The following PCNX3 variants were observed in gnomAD, a reference collection of about 807,000 sequenced individuals.
The protein encoded by PCNX3 is pecanex-like protein 3.
In PCNX3, 58 loss-of-function variants were observed where a neutral mutation model predicts 207.2. The ratio of observed to expected loss-of-function variants is 0.28; its 90% CI spans 0.23 to 0.35. The LOEUF (loss-of-function observed/expected upper bound fraction) is 0.35, where lower values mean the gene tolerates loss of function less well. PCNX3 is among the 10% of genes least tolerant of loss of function. The pLI, the probability that PCNX3 is intolerant of heterozygous loss-of-function variation, is 1.00. For missense variants in PCNX3, 2,410 were observed against 2,774.4 expected (o/e 0.87, Z 2.95); for synonymous variants, 1,337 against 1,183.5 (o/e 1.13, Z -2.66).
In PCNX3 at chr11:65,618,610, G is replaced by A. The variant is rs778551713; in HGVS notation, c.1248G>A (p.Gly416=). 20 of 1,612,532 alleles carry A rather than the reference G, an allele frequency of 1.2e-5. No individual in the cohort carries two copies. Among genetic ancestry groups the A allele is most frequent in the Non-Finnish European group, 1.7e-5 (20 of 1,179,816 alleles). Reference sequence around the variant, plus strand: ...CTCGACGGCCCCTGCTTGAAGGTGGGGGCTTCTTTGAGGATGAAGACACTA... The same window carrying A: ...CTCGACGGCCCCTGCTTGAAGGTGGAGGCTTCTTTGAGGATGAAGACACTA... The part of the protein sequence containing the change: ...RAPRRPLLEG[G]GFFEDEDTSE... The change falls in exon 6 of 35, where the codon GGG becomes GGA. Residue 416 remains glycine (G), a synonymous_variant. Transcript: ENST00000355703.
chr11:65,630,805 T>A (rs1283593438), intron 27 of PCNX3, among the ~76,000 whole-genome samples: 3 of 152,162 alleles, frequency 2.0e-5, no homozygotes, highest in African/African-American at 7.2e-5. Flanking sequence ...ATGGCTCTGA[T>A]AGGTGCCCAG....
At chr11:65,636,121 C>T (rs567339467) in intron 32 of PCNX3, 53 bp from the exon 33 acceptor site, 1 of 1,562,916 alleles carries the variant, frequency 6.4e-7, no homozygotes, top group African/African-American at 1.4e-5. Flanking sequence ...CTTGTGAGGC[C>T]TCTGGCCTCA....
intron 28 of PCNX3, 46 bp downstream of exon 28, chr11:65,634,402 G>T: frequency 6.5e-7 from 1 of 1,527,758 alleles, no homozygotes. Context: ...TGTGGGACCT[G>T]GGCTTCCCTG....
Position 65,625,919 on chromosome 11 carries a change from G to A in PCNX3, c.3244G>A (p.Val1082Met), listed in dbSNP as rs745460636. 9.3e-6 allele frequency: 15 copies of A among 1,613,608 alleles called. No homozygotes were observed. The highest frequency in any genetic ancestry group is 5.0e-5 in the Admixed American group (3 of 60,002). Residue 1082 changes from valine to methionine, a missense_variant, in exon 20 of 35, where the codon GTG becomes ATG. Physicochemically the swap from Val to Met is conservative, Grantham distance 21 (BLOSUM62 1). Around this residue, in one of 8 missense-constraint regions of PCNX3, gnomAD observed 333 missense variants for 386.8 expected, o/e 0.86. Transcript: ENST00000355703. The surrounding 1 kb of genome is among the most constrained non-coding windows in gnomAD (Gnocchi z 5.6). ...FIALKSVLGF[V>M]LYALAGAVGF... ...CCTCCTGCAGTCGGTGCTGGGTTTC[G>A]TGTTGTACGCACTGGCTGGGGCCGT... is the stretch of plus-strand genomic sequence containing the variant.
intron 2 of PCNX3, 55 bp downstream of exon 2, chr11:65,617,066 A>AAC (rs1455167023): frequency 9.8e-5 from 150 of 1,523,678 alleles, no homozygotes; most frequent in Non-Finnish European, 1.2e-4. Context: ...CCTGGGCCGG[A>AAC]ACCTTGCAGG....
chr11:65,628,978 C>T (rs953197227), intron 24 of PCNX3, 30 bp downstream of exon 24: 1 of 1,607,134 alleles, frequency 6.2e-7, no homozygotes, highest in Non-Finnish European at 8.5e-7. Flanking sequence ...GGAGCATGCC[C>T]AGCAGGGCAG....
chr11:65,620,293 G>A (rs889911008), intron 8 of PCNX3, 46 bp from the exon 9 acceptor site: 9 of 1,569,576 alleles, frequency 5.7e-6, no homozygotes, highest in Non-Finnish European at 7.8e-6. Context: ...GGGCCTTGGT[G>A]CTTCTGTCTC....
chr11:65,636,398 T>A lies in PCNX3; in HGVS notation c.5601T>A (p.Gly1867=). The A allele has an allele frequency of 6.4e-7, 1 of 1,560,356 alleles. No homozygotes were observed. The highest frequency in any genetic ancestry group is 1.2e-5 in the South Asian group (1 of 83,098). ...HPTPENTAGN[G]DQPLPPGPGW... is the part of the protein sequence containing the mutation. ...CTTATCTGTCTCCTACAGGCAATGG[T>A]GACCAACCCCTCCCACCAGGCCCTG... The change falls in exon 34 of 35, where the codon GGT becomes GGA. Residue 1867 remains glycine (G), a synonymous_variant. Transcript: ENST00000355703.
intron 24 of PCNX3, 142 bp from the exon 25 acceptor site, chr11:65,629,215 C>A: frequency 1.0e-6 from 1 of 985,666 alleles, no homozygotes; most frequent in South Asian, 1.5e-5. Context: ...CCTTCATGTA[C>A]CTGAGCCTCA....
intron 22 of PCNX3, 102 bp downstream of exon 22, chr11:65,627,684 C>G: frequency 1.4e-6 from 2 of 1,399,994 alleles, no homozygotes; most frequent in Non-Finnish European, 9.9e-7. Flanking sequence ...GTGGCCACCG[C>G]TCTGTATCAG....
intron 28 of PCNX3, 53 bp downstream of exon 28, chr11:65,634,409 C>T: frequency 1.3e-6 from 2 of 1,520,570 alleles, no homozygotes; most frequent in South Asian, 1.2e-5. Context: ...CCTGGGCTTC[C>T]CTGCTCCCCT....
In PCNX3 at chr11:65,633,218, C is replaced by T. The variant is rs145603762; in HGVS notation, c.4471-908C>T. 8.7e-4 allele frequency among the ~76,000 whole-genome samples: 133 copies of T among 152,346 alleles called. No individual in the cohort carries two copies. In the East Asian group the frequency reaches 0.024, roughly 27 times the overall value. ...CCCATCACCTCACTGGCTGCCCTGC[C>T]GGCCTTAACCCGCCCGTGCATCCTG... is the stretch of plus-strand genomic sequence containing the variant. On this transcript the variant is annotated intron_variant, in intron 27 of 34. Transcript: ENST00000355703.
At chr11:65,630,951 G>A (rs916318075) in intron 27 of PCNX3, among the ~76,000 whole-genome samples, 2 of 152,240 alleles carry the variant, frequency 1.3e-5, no homozygotes, top group Non-Finnish European at 2.9e-5. Context: ...TCACGTTAAC[G>A]ATCATCATGG....
At position 65,618,577 on chromosome 11, in the gene PCNX3, C is replaced by T; in HGVS notation, c.1215C>T (p.Gly405=). Reference sequence around the variant, plus strand: ...CCCTGCGAAGACACTCTCCACCTGGCCGTGCCCCTCGACGGCCCCTGCTTG... The same window carrying T: ...CCCTGCGAAGACACTCTCCACCTGGTCGTGCCCCTCGACGGCCCCTGCTTG... ...QPPLRRHSPP[G]RAPRRPLLEG... is the part of the protein sequence containing the mutation. Residue 405 remains glycine (G), a synonymous_variant, in exon 6 of 35, where the codon GGC becomes GGT. Transcript: ENST00000355703. The T allele has an allele frequency of 6.2e-7, 1 of 1,611,898 alleles. No homozygotes were observed. Among genetic ancestry groups the T allele is most frequent in the Non-Finnish European group, 8.5e-7 (1 of 1,179,710 alleles).
chr11:65,620,539 G>A (rs1855031599), intron 9 of PCNX3, 110 bp downstream of exon 9: 3 of 1,213,182 alleles, frequency 2.5e-6, no homozygotes, highest in South Asian at 1.4e-5. Flanking sequence ...GGCAGGGGCA[G>A]CTCAGATCTG....
chr11:65,636,090 T>G, intron 32 of PCNX3, 84 bp from the exon 33 acceptor site: 1 of 1,524,652 alleles, frequency 6.6e-7, no homozygotes, highest in East Asian at 2.4e-5. Flanking sequence ...AGATGACTTG[T>G]CCTGGGGCTG....
chr11:65,628,619 C>T lies in PCNX3; in HGVS notation c.3727C>T (p.Arg1243Cys), dbSNP rs751287916. 6.2e-7 allele frequency: 1 copy of T among 1,613,562 alleles called. No individual in the cohort carries two copies. Among genetic ancestry groups the T allele is most frequent in the Non-Finnish European group, 8.5e-7 (1 of 1,179,886 alleles). ...GCTGTGGGACTTGCTGTACAAGCTGCGTTTCGTGCTGACCTACATCGCGCC... is the reference window on the plus strand; with the variant it reads ...GCTGTGGGACTTGCTGTACAAGCTGTGTTTCGTGCTGACCTACATCGCGCC... Reference protein sequence around the residue: ...SKLWDLLYKLRFVLTYIAPWQ... With the variant: ...SKLWDLLYKLCFVLTYIAPWQ... The change falls in exon 23 of 35, where the codon CGT becomes TGT. Residue 1243 changes from arginine to cysteine, a missense_variant. Physicochemically the swap from Arg to Cys is radical, Grantham distance 180. Around this residue, in one of 8 missense-constraint regions of PCNX3, gnomAD observed 420 missense variants for 705.3 expected, o/e 0.60. Transcript: ENST00000355703.
Position 65,634,308 on chromosome 11 carries a change from T to C in PCNX3, c.4653T>C (p.Cys1551=). Residue 1551 remains cysteine (C), a synonymous_variant, in exon 28 of 35, where the codon TGT becomes TGC. Coordinates refer to ENST00000355703, the MANE Select transcript of PCNX3 (RefSeq NM_032223.4). ...CTGGCCTCTCGCTGCCCTCCTTTTG[T>C]GCTGTGCACCTCGAGTGGATCCAGT... ...RLSGLSLPSF[C]AVHLEWIQYC... The C allele has an allele frequency of 6.2e-7, 1 of 1,608,318 alleles. No homozygotes were observed. Among genetic ancestry groups the C allele is most frequent in the Non-Finnish European group, 8.5e-7 (1 of 1,177,682 alleles).
Position 65,620,840 on chromosome 11 carries a change from C to A in PCNX3, c.2109C>A (p.His703Gln). 1 of 1,595,308 alleles carries A rather than the reference C, an allele frequency of 6.3e-7. No individual in the cohort carries two copies. Among genetic ancestry groups the A allele is most frequent in the Non-Finnish European group, 8.5e-7 (1 of 1,171,992 alleles). ...GCTGCTGTTCTCACAGGGACCGACA[C>A]TCGCATTCCTCCAGCTTCCACTCGG... Reference protein sequence around the residue: ...EQTANGAWDRHSHSSSFHSAD... With the variant: ...EQTANGAWDRQSHSSSFHSAD... The change falls in exon 10 of 35, where the codon CAC (histidine) becomes CAA (glutamine). Residue 703 changes from histidine to glutamine, a missense_variant. By Grantham distance (24) the His-to-Gln change is conservative. Coordinates refer to ENST00000355703, the MANE Select transcript of PCNX3 (RefSeq NM_032223.4).
Sources: gnomAD v4.1 joint callset for allele counts (sites outside exome capture counted in the v4.1 genomes callset) on GRCh38, gnomAD v4.1.1 for gene constraint, gnomAD v4.1.1 regional missense constraint, Gnocchi (gnomAD v3.1) non-coding constraint, MANE v1.5 for transcripts, NCBI Gene and HGNC (gene_info 2026-07-23, HGNC 2026-07-21) for gene names.